CDH18: variants seen among roughly 807,000 people sequenced by gnomAD.
The protein encoded by CDH18 is cadherin 18.
Under a neutral mutation model 67.9 loss-of-function variants are expected in CDH18, and 31 were observed. The observed-to-expected ratio is 0.46, with a 90% confidence interval of 0.34 to 0.62. The LOEUF (loss-of-function observed/expected upper bound fraction) is 0.62. CDH18 is among the 20% of genes least tolerant of loss of function. CDH18 has a pLI of 0.01. For synonymous variants in CDH18, 362 were observed against 347.2 expected, an observed-to-expected ratio of 1.04 and a Z score of -0.48; for missense variants, 890 against 975.5, an observed-to-expected ratio of 0.91 and a Z score of 1.17.
chr5:20,558,311 G>A (rs563178009), intron 1 of CDH18, among the ~76,000 whole-genome samples: 17 of 152,164 alleles, frequency 1.1e-4, no homozygotes, highest in Admixed American at 3.9e-4. Context: ...GTGTATCTCC[G>A]TATAGAGAAG....
At chr5:19,584,178 T>C (rs1462823048) in intron 7 of CDH18, among the ~76,000 whole-genome samples, 1 of 152,208 alleles carries the variant, frequency 6.6e-6, no homozygotes, top group Non-Finnish European at 1.5e-5. Flanking sequence ...CTTATCTTTT[T>C]TCCCCTTTCC....
intron 11 of CDH18, 128 bp from the exon 12 acceptor site, chr5:19,483,680 A>T: frequency 1.1e-6 from 1 of 910,842 alleles, no homozygotes; most frequent in African/African-American, 1.7e-5. Flanking sequence ...ACAAGGGAAC[A>T]CGAAGGGGCA....
Position 20,044,058 on chromosome 5 carries a change from T to G in CDH18, c.-517-52044A>C, listed in dbSNP as rs537551786. Among the ~76,000 whole-genome samples the G allele has an allele frequency of 2.1e-3, 314 of 152,284 alleles. 1 individual carries two copies. Among genetic ancestry groups the G allele is most frequent in the Middle Eastern group, 6.8e-3 (2 of 294 alleles). On this transcript the variant is annotated intron_variant, in intron 2 of 14. Transcript: ENST00000507958. ...AAACAGACTCATTTCCTGTACATAA[T>G]AGGCACTATTCATTAATTAGTATAT...
At chr5:20,469,822 T>A (rs1296524311) in intron 1 of CDH18, among the ~76,000 whole-genome samples, 1 of 152,138 alleles carries the variant, frequency 6.6e-6, no homozygotes, top group Non-Finnish European at 1.5e-5. Context: ...CCTCAATTCG[T>A]GGCATTTTTA....
intron 2 of CDH18, among the ~76,000 whole-genome samples, chr5:20,061,929 C>G (rs1742525072): frequency 1.3e-5 from 2 of 152,010 alleles, no homozygotes; most frequent in African/African-American, 4.8e-5. Context: ...CGACAATTAT[C>G]AACACTTCCA....
chr5:19,475,941 T>A (rs1288675140), intron 12 of CDH18, among the ~76,000 whole-genome samples: 2 of 152,100 alleles, frequency 1.3e-5, no homozygotes, highest in East Asian at 3.8e-4. Flanking sequence ...GGTTACTTTG[T>A]TCTTCTTTAT....
intron 10 of CDH18, among the ~76,000 whole-genome samples, chr5:19,504,545 G>A (rs1001403081): frequency 6.6e-6 from 1 of 151,854 alleles, no homozygotes; most frequent in Admixed American, 6.6e-5. Flanking sequence ...CTCATCTGAG[G>A]AACATATATA....
chr5:20,376,107 T>TTTTTTTTTTTTTTTTTTTTTTTTG (rs1318320616), intron 1 of CDH18, among the ~76,000 whole-genome samples: 2 of 112,900 alleles, frequency 1.8e-5, no homozygotes, highest in African/African-American at 6.1e-5. Context: ...TTTTTTTTTT[T>TTTTTTTTTTTTTTTTTTTTTTTTG]TTTTGAGACG....
chr5:20,168,993 G>C (rs951275741), intron 2 of CDH18, among the ~76,000 whole-genome samples: 1 of 152,110 alleles, frequency 6.6e-6, no homozygotes. Flanking sequence ...GTAGTAGGAG[G>C]CTAGGGTTGG....
chr5:19,480,049 A>G (rs1739143710), intron 12 of CDH18, among the ~76,000 whole-genome samples: 1 of 152,188 alleles, frequency 6.6e-6, no homozygotes, highest in Non-Finnish European at 1.5e-5. Flanking sequence ...TTTGATATTT[A>G]TCTTAGTAAA....
intron 1 of CDH18, among the ~76,000 whole-genome samples, chr5:20,297,400 G>A (rs1747625933): frequency 6.6e-6 from 1 of 152,180 alleles, no homozygotes. Context: ...CAGCAAGTCT[G>A]ACACCAAAGC....
intron 2 of CDH18, among the ~76,000 whole-genome samples, chr5:20,067,710 T>A (rs1207617243): frequency 6.6e-6 from 1 of 152,094 alleles, no homozygotes; most frequent in Non-Finnish European, 1.5e-5. Flanking sequence ...GACTAATTAA[T>A]TTTTAACCCA....
chr5:20,386,136 C>A (rs1744294101), intron 1 of CDH18, among the ~76,000 whole-genome samples: 1 of 152,196 alleles, frequency 6.6e-6, no homozygotes, highest in Middle Eastern at 3.2e-3. Flanking sequence ...CATTTAATCT[C>A]ATTGGTGACT....
chr5:20,048,518 G>T (rs1408726762), intron 2 of CDH18, among the ~76,000 whole-genome samples: 2 of 151,662 alleles, frequency 1.3e-5, no homozygotes, highest in African/African-American at 2.4e-5. Flanking sequence ...AGCAGCAAAG[G>T]TGTTGTTATA....
chr5:19,622,746 A>G (rs1383477688), intron 5 of CDH18, among the ~76,000 whole-genome samples: 1 of 152,092 alleles, frequency 6.6e-6, no homozygotes, highest in Non-Finnish European at 1.5e-5. Flanking sequence ...TGTTCCTACT[A>G]AGGCACTAGG....
intron 1 of CDH18, among the ~76,000 whole-genome samples, chr5:20,397,780 A>C (rs1182147510): frequency 6.6e-6 from 1 of 152,200 alleles, no homozygotes; most frequent in Non-Finnish European, 1.5e-5. Flanking sequence ...CAACATAAAA[A>C]ACTATTAATG....
At chr5:20,250,188 T>G (rs911475981) in intron 2 of CDH18, among the ~76,000 whole-genome samples, 1 of 152,226 alleles carries the variant, frequency 6.6e-6, no homozygotes, top group Non-Finnish European at 1.5e-5. Context: ...AGACAATTTG[T>G]GTAAAATCTT....
chr5:20,441,635 TCTTAA>T (rs1157303406), intron 1 of CDH18, among the ~76,000 whole-genome samples: 2 of 152,040 alleles, frequency 1.3e-5, no homozygotes, highest in African/African-American at 2.4e-5. Flanking sequence ...AGTTTAATTC[TCTTAA>T]CTTTAGTTAA....
intron 1 of CDH18, among the ~76,000 whole-genome samples, chr5:20,498,684 ACTG>A (rs1754057606): frequency 6.6e-6 from 1 of 152,034 alleles, no homozygotes; most frequent in Non-Finnish European, 1.5e-5. Flanking sequence ...AAATTTTAAA[ACTG>A]TTCTTATTCT....
Sources: allele counts gnomAD v4.1 joint callset (sites outside exome capture counted in the v4.1 genomes callset), GRCh38; gene constraint gnomAD v4.1.1; transcripts MANE v1.5; gene names NCBI Gene and HGNC (gene_info 2026-07-23, HGNC 2026-07-21).